The following PDE4D variants were observed in gnomAD, a reference collection of about 807,000 sequenced individuals.
The protein encoded by PDE4D is 3',5'-cyclic-AMP phosphodiesterase 4D.
In PDE4D, 24 loss-of-function variants were observed where a neutral mutation model predicts 87.4. That is an observed-to-expected ratio of 0.27 (90% confidence interval 0.20 to 0.39). The LOEUF (loss-of-function observed/expected upper bound fraction) is 0.39. Ranked by LOEUF, PDE4D falls within the 10% of genes least tolerant of loss-of-function variation. The probability of loss-of-function intolerance (pLI) is 1.00; values close to 1 mark genes in which losing one functional copy is unlikely to be tolerated. For missense variants in PDE4D, 714 were observed against 1,041.0 expected, an observed-to-expected ratio of 0.69 and a Z score of 4.32; for synonymous variants, 384 against 383.2, an observed-to-expected ratio of 1.00 and a Z score of -0.02.
rs189432822 is a variant in PDE4D at position 59,753,560 on chromosome 5, G to A, written c.455+139608C>T. Among the ~76,000 whole-genome samples, 349 of 152,294 alleles carry A rather than the reference G, an allele frequency of 2.3e-3. 2 individuals carry two copies. The highest frequency in any genetic ancestry group is 0.017 in the Middle Eastern group (5 of 294). On this transcript the variant is annotated intron_variant, in intron 1 of 14. Transcript: ENST00000340635. ...TTTAAGAGTAGGGTTTATTAAAAGA[G>A]CTGACAGTTGGAATTGAACAGAGGA... is the stretch of plus-strand genomic sequence containing the variant.
intron 1 of PDE4D, among the ~76,000 whole-genome samples, chr5:59,434,459 A>G (rs2081092): frequency 0.23 from 34,246 of 151,902 alleles, 7,065 homozygotes; most frequent in African/African-American, 0.56. Flanking sequence ...GGAGACCCAC[A>G]AAAATTGGGG....
intron 1 of PDE4D, among the ~76,000 whole-genome samples, chr5:59,844,160 A>T (rs559939852): frequency 2.3e-4 from 35 of 152,230 alleles, no homozygotes; most frequent in African/African-American, 7.9e-4. Flanking sequence ...GAGACTGCTC[A>T]AATTCATTTG....
intron 3 of PDE4D, among the ~76,000 whole-genome samples, chr5:59,970,057 C>G (rs1011313777): frequency 2.0e-5 from 3 of 152,098 alleles, no homozygotes; most frequent in Admixed American, 2.0e-4. Flanking sequence ...CATCTTTTTC[C>G]TCACGATTGT....
Position 59,530,632 on chromosome 5 carries a change from A to C in PDE4D, c.456-314664T>G. On this transcript the variant is annotated intron_variant, in intron 1 of 14. Coordinates refer to ENST00000340635, the MANE Select transcript of PDE4D (RefSeq NM_001104631.2). ...ATTAAAAAAAAAAATTGGATTGAATACACAGATGTGGAACCCATGGATACG... is the reference window on the plus strand; with the variant it reads ...ATTAAAAAAAAAAATTGGATTGAATCCACAGATGTGGAACCCATGGATACG... Among the ~76,000 whole-genome samples the C allele has an allele frequency of 1.3e-5, 2 of 152,180 alleles. 1 individual carries two copies. Among genetic ancestry groups the C allele is most frequent in the African/African-American group, 4.8e-5 (2 of 41,438 alleles).
At chr5:59,311,490 ACT>A (rs1255414641) in intron 1 of PDE4D, among the ~76,000 whole-genome samples, 2 of 112,520 alleles carry the variant, frequency 1.8e-5, no homozygotes, top group African/African-American at 7.5e-5. Context: ...ACAGAGAGAG[ACT>A]CTGTCTCAAA....
At chr5:59,380,388 C>CAAAAAAAAAA (rs10574102) in intron 1 of PDE4D, among the ~76,000 whole-genome samples, 3 of 108,952 alleles carry the variant, frequency 2.8e-5, no homozygotes, top group Non-Finnish European at 3.7e-5. Context: ...CAAAAGCAAT[C>CAAAAAAAAAA]AAAAAAAAAA....
chr5:59,204,242 A>G (rs2153497555), intron 2 of PDE4D, among the ~76,000 whole-genome samples: 1 of 152,140 alleles, frequency 6.6e-6, no homozygotes, highest in Non-Finnish European at 1.5e-5. Context: ...TTTTTGGCTC[A>G]TGTGTGCTCA....
intron 1 of PDE4D, among the ~76,000 whole-genome samples, chr5:59,536,139 G>A (rs1815176760): frequency 6.6e-6 from 1 of 152,034 alleles, no homozygotes; most frequent in South Asian, 2.1e-4. Context: ...AAATACCATG[G>A]ATTTGGTAAT....
chr5:59,693,971 T>C (rs1348515692), intron 1 of PDE4D, among the ~76,000 whole-genome samples: 1 of 151,944 alleles, frequency 6.6e-6, no homozygotes. Context: ...GCTAAAGAAA[T>C]ACAGGCAACT....
chr5:59,895,229 A>G (rs1751503213), upstream of PDE4D, among the ~76,000 whole-genome samples: 1 of 152,240 alleles, frequency 6.6e-6, no homozygotes, highest in Non-Finnish European at 1.5e-5. Flanking sequence ...AAATAATGCC[A>G]ATGAAAATAA....
chr5:59,096,530 GC>G (rs766347037), intron 5 of PDE4D, among the ~76,000 whole-genome samples: 1 of 152,110 alleles, frequency 6.6e-6, no homozygotes, highest in Non-Finnish European at 1.5e-5. Flanking sequence ...CAGGAGAGGG[GC>G]TATACCCTTA....
At chr5:60,277,108 C>T (rs1751452331) in intron 1 of PDE4D, among the ~76,000 whole-genome samples, 1 of 151,592 alleles carries the variant, frequency 6.6e-6, no homozygotes, top group Non-Finnish European at 1.5e-5. Flanking sequence ...GTATATAAAA[C>T]AATATTTTAT....
chr5:60,350,590 A>G (rs1156720830), intron 1 of PDE4D, among the ~76,000 whole-genome samples: 1 of 152,204 alleles, frequency 6.6e-6, no homozygotes, highest in Non-Finnish European at 1.5e-5. Context: ...GTTGGGGGCC[A>G]GCAAATGCAG....
At chr5:59,401,054 T>C (rs948728454) in intron 1 of PDE4D, among the ~76,000 whole-genome samples, 1 of 152,224 alleles carries the variant, frequency 6.6e-6, no homozygotes, top group African/African-American at 2.4e-5. Context: ...GATGGTTCAG[T>C]GTACACAAAC....
intron 1 of PDE4D, chr5:60,460,528 T>G (rs1746842890): frequency 6.8e-7 from 1 of 1,461,708 alleles, no homozygotes; most frequent in Non-Finnish European, 9.6e-7. Flanking sequence ...GTCATATTTC[T>G]GTTCTACTTT....
chr5:59,745,314 A>T (rs1759446405), intron 1 of PDE4D, among the ~76,000 whole-genome samples: 1 of 151,988 alleles, frequency 6.6e-6, no homozygotes, highest in Non-Finnish European at 1.5e-5. Flanking sequence ...TCTATGCTCC[A>T]TGGAGCCTTC....
At chr5:59,866,224 C>A (rs919004073) in intron 1 of PDE4D, among the ~76,000 whole-genome samples, 7 of 152,072 alleles carry the variant, frequency 4.6e-5, no homozygotes, top group African/African-American at 1.2e-4. Flanking sequence ...ATACATACTT[C>A]TTTTTTTGTT....
At chr5:60,302,624 AT>A (rs1399459336) in intron 1 of PDE4D, among the ~76,000 whole-genome samples, 1 of 152,040 alleles carries the variant, frequency 6.6e-6, no homozygotes, top group Non-Finnish European at 1.5e-5. Flanking sequence ...CAGCTCCTGG[AT>A]TTGTTGATAT....
chr5:60,115,895 C>T (rs537424070), intron 2 of PDE4D, among the ~76,000 whole-genome samples: 1 of 152,150 alleles, frequency 6.6e-6, no homozygotes, highest in Non-Finnish European at 1.5e-5. Context: ...CATACTCATT[C>T]ACATAAGATT....
Sources: allele counts gnomAD v4.1 joint callset (sites outside exome capture counted in the v4.1 genomes callset), GRCh38; gene constraint gnomAD v4.1.1; transcripts MANE v1.5; gene names NCBI Gene and HGNC (gene_info 2026-07-23, HGNC 2026-07-21).